The following STOM variants were observed in gnomAD, a reference collection of about 807,000 sequenced individuals.
STOM encodes stomatin, also known as erythrocyte band 7 integral membrane protein.
STOM carries 25 observed loss-of-function variants against 30.6 expected under a neutral mutation model. The observed-to-expected ratio is 0.82, with a 90% confidence interval of 0.60 to 1.14. The LOEUF is 1.14. Ranked by LOEUF, STOM falls within the 50% of genes most tolerant of loss-of-function variation. The probability of loss-of-function intolerance (pLI) is 0.00; values close to 1 mark genes in which losing one functional copy is unlikely to be tolerated. For missense variants in STOM, 292 were observed against 365.2 expected (o/e 0.80, Z 1.63); for synonymous variants, 118 against 130.8 (o/e 0.90, Z 0.67).
intron 2 of STOM, among the ~76,000 whole-genome samples, chr9:121,355,010 A>C (rs781535680): frequency 1.3e-5 from 2 of 152,100 alleles, no homozygotes; most frequent in Non-Finnish European, 2.9e-5. Context: ...CTGTAATTTC[A>C]GCATTTTGGA....
chr9:121,341,639 C>A (rs1314433522), intron 6 of STOM, among the ~76,000 whole-genome samples: 1 of 152,206 alleles, frequency 6.6e-6, no homozygotes, highest in Admixed American at 6.5e-5. Context: ...TTACTATAGC[C>A]TTTCTCCCAT....
chr9:121,365,636 G>A (rs2064495875), intron 1 of STOM, among the ~76,000 whole-genome samples: 1 of 152,066 alleles, frequency 6.6e-6, no homozygotes, highest in Admixed American at 6.5e-5. Flanking sequence ...GTTCTTCACT[G>A]TGATTAACAG....
At chr9:121,364,803 G>T (rs1415434561) in intron 1 of STOM, among the ~76,000 whole-genome samples, 1 of 152,110 alleles carries the variant, frequency 6.6e-6, no homozygotes, top group African/African-American at 2.4e-5. Context: ...TGCTGCAATA[G>T]CCCTTTACCC....
At chr9:121,350,358 T>G (rs1189423165) in intron 4 of STOM, among the ~76,000 whole-genome samples, 1 of 152,272 alleles carries the variant, frequency 6.6e-6, no homozygotes, top group Non-Finnish European at 1.5e-5. Flanking sequence ...TTAAGCACTC[T>G]TCCCTTGCAC....
chr9:121,360,682 T>C (rs959832489), intron 1 of STOM, among the ~76,000 whole-genome samples: 1 of 152,252 alleles, frequency 6.6e-6, no homozygotes, highest in African/African-American at 2.4e-5. Context: ...ATTTGCTTCA[T>C]ACCTGCCCCC....
rs747656597 is a variant in STOM, at chr9:121,370,143, G to A, written c.45C>T (p.Leu15=). ...RHTRDSEAQR[L]PDSFKDSPSK... ...GGGACTCACCCTTGAAGGAGTCGGG[G>A]AGCCGCTGGGCTTCGGAGTCCCGTG... The change falls in exon 1 of 7, where the codon CTC becomes CTT. Residue 15 remains leucine (L), a synonymous_variant. Transcript: ENST00000286713. 14 of 1,546,370 alleles carry A rather than the reference G, an allele frequency of 9.1e-6. No homozygotes were observed. Among genetic ancestry groups the A allele is most frequent in the Non-Finnish European group, 1.2e-5 (14 of 1,146,524 alleles).
In STOM at chr9:121,354,591, C is replaced by A. The variant is rs751959166; in HGVS notation, c.238+10G>T. ...TTTTCAGATAAACAATCTAGAATCCCAGTACTGACCAGGTCCTTTGGCTCC... is the reference window on the plus strand; with the variant it reads ...TTTTCAGATAAACAATCTAGAATCCAAGTACTGACCAGGTCCTTTGGCTCC... On this transcript the variant is annotated intron_variant, in intron 3 of 6. Transcript: ENST00000286713. 1 of 1,596,646 alleles carries A rather than the reference C, an allele frequency of 6.3e-7. No individual in the cohort carries two copies. The highest frequency in any genetic ancestry group is 1.1e-5 in the South Asian group (1 of 88,840).
At position 121,353,547 on chromosome 9, in the gene STOM, C is replaced by G. The variant is rs184904374; in HGVS notation, c.239-245G>C. 1.9e-4 allele frequency among the ~76,000 whole-genome samples: 29 copies of G among 152,292 alleles called. No homozygotes were observed. In the East Asian group the frequency reaches 5.2e-3, roughly 27 times the overall value. ...TGCTATCACTCTTCTCCCCACCGCCCCACTGGGACCAATGCAATCGTTTCC... is the reference window on the plus strand; with the variant it reads ...TGCTATCACTCTTCTCCCCACCGCCGCACTGGGACCAATGCAATCGTTTCC... On this transcript the variant is annotated intron_variant, in intron 3 of 6. Transcript: ENST00000286713.
intron 6 of STOM, among the ~76,000 whole-genome samples, chr9:121,345,563 G>A (rs2064281851): frequency 6.6e-6 from 1 of 152,064 alleles, no homozygotes. Context: ...TATGGTTGTT[G>A]CAGGGTTACT....
chr9:121,364,174 CCACAT>C (rs1564633098), intron 1 of STOM, among the ~76,000 whole-genome samples: 1 of 152,148 alleles, frequency 6.6e-6, no homozygotes, highest in African/African-American at 2.4e-5. Flanking sequence ...GCAGAGTTTA[CCACAT>C]GGTAGCGTCT....
At chr9:121,345,198 C>T (rs2064278506) in intron 6 of STOM, among the ~76,000 whole-genome samples, 1 of 152,166 alleles carries the variant, frequency 6.6e-6, no homozygotes, top group Non-Finnish European at 1.5e-5. Flanking sequence ...GGAGTTGGAG[C>T]TGCTGGCTCA....
Position 121,367,406 on chromosome 9 carries a change from G to A in STOM, c.61+2721C>T, listed in dbSNP as rs114028784. Among the ~76,000 whole-genome samples, 1,132 of 152,148 alleles carry A rather than the reference G, an allele frequency of 7.4e-3. 15 individuals carry two copies. The highest frequency in any genetic ancestry group is 0.026 in the African/African-American group (1,081 of 41,482). On this transcript the variant is annotated intron_variant, in intron 1 of 6. Transcript: ENST00000286713. ...AATCTATTTAATCATGAATAAATAT[G>A]CCAGTTTTGTAGACTTGGTCTTCCA...
intron 1 of STOM, 92 bp from the exon 2 acceptor site, chr9:121,356,248 C>T (rs1589294079): frequency 3.0e-6 from 3 of 1,007,076 alleles, no homozygotes; most frequent in South Asian, 3.0e-5. Flanking sequence ...TACCTATGTG[C>T]TTGGCACTAC....
intron 4 of STOM, among the ~76,000 whole-genome samples, chr9:121,352,246 GT>G (rs2064346019): frequency 6.6e-6 from 1 of 152,138 alleles, no homozygotes; most frequent in African/African-American, 2.4e-5. Flanking sequence ...TTAACACAAT[GT>G]AAATACTACA....
intron 1 of STOM, among the ~76,000 whole-genome samples, chr9:121,362,325 A>G (rs2064461536): frequency 6.6e-6 from 1 of 152,084 alleles, no homozygotes; most frequent in African/African-American, 2.4e-5. Context: ...TCTAGCCTGT[A>G]TTTTTTCAAT....
chr9:121,355,923 G>C (rs533124856), intron 2 of STOM, 130 bp downstream of exon 2: 1 of 615,816 alleles, frequency 1.6e-6, no homozygotes, highest in South Asian at 3.5e-5. Flanking sequence ...TCCAAAGAAA[G>C]ATGAAGAAAT....
chr9:121,359,150 G>A lies in STOM; in HGVS notation c.62-2994C>T, dbSNP rs149077030. Reference sequence around the variant, plus strand: ...GACAGAGGGGAGAAAAGGTATGCCAGGCACATGTTACTGCTCAGAAGAAAG... The same window carrying A: ...GACAGAGGGGAGAAAAGGTATGCCAAGCACATGTTACTGCTCAGAAGAAAG... On this transcript the variant is annotated intron_variant, in intron 1 of 6. Coordinates refer to ENST00000286713, the MANE Select transcript of STOM (RefSeq NM_004099.6). Among the ~76,000 whole-genome samples, 532 of 152,258 alleles carry A rather than the reference G, an allele frequency of 3.5e-3. 2 individuals carry two copies. Among genetic ancestry groups the A allele is most frequent in the African/African-American group, 0.012 (494 of 41,544 alleles).
chr9:121,349,385 G>T, intron 4 of STOM, 62 bp from the exon 5 acceptor site: 4 of 1,418,312 alleles, frequency 2.8e-6, no homozygotes, highest in Non-Finnish European at 4.0e-6. Flanking sequence ...TAACTGTAAG[G>T]AATGTTATTC....
rs564728882 is a variant in STOM, at chr9:121,339,933, A to T, written c.*1269T>A. The T allele has an allele frequency of 9.5e-7, 1 of 1,049,432 alleles. No individual in the cohort carries two copies. Among genetic ancestry groups the T allele is most frequent in the Non-Finnish European group, 1.1e-6 (1 of 872,584 alleles). 65.0% of individuals were successfully genotyped at this position (1,049,432 alleles called of 1,614,324 possible). A position where few individuals can be genotyped will look rare whatever the true frequency, so the allele number is the denominator to read the frequency against. ...GTGAATTCCTTATACTATGTAATGA[A>T]TGGGTTTGTAATCAACATATTTCAC... On this transcript the variant is annotated 3_prime_UTR_variant, in exon 7 of 7. Transcript: ENST00000286713.
Sources: gnomAD v4.1 joint callset for allele counts (sites outside exome capture counted in the v4.1 genomes callset) on GRCh38, gnomAD v4.1.1 for gene constraint, MANE v1.5 for transcripts, NCBI Gene and HGNC (gene_info 2026-07-23, HGNC 2026-07-21) for gene names.